Variants in COMT observed in about 807,000 individuals in gnomAD.
COMT encodes the protein catechol O-methyltransferase.
Under a neutral mutation model 18.9 loss-of-function variants are expected in COMT, and 13 were observed. The observed-to-expected ratio is 0.69, with a 90% CI of 0.45 to 1.09. The LOEUF (loss-of-function observed/expected upper bound fraction) is 1.09. COMT is among the 50% of genes least tolerant of loss of function. The pLI is 0.00. For synonymous variants in COMT, 150 were observed against 160.9 expected (o/e 0.93, Z 0.51); for missense variants, 329 against 361.8 (o/e 0.91, Z 0.73).
At chr22:19,954,361 C>T (rs919789210) in intron 1 of COMT, among the ~76,000 whole-genome samples, 1 of 152,206 alleles carries the variant, frequency 6.6e-6, no homozygotes, top group Non-Finnish European at 1.5e-5. Flanking sequence ...GCCCCTTTCC[C>T]TATGTAGGGT....
chr22:19,966,901 T>C (rs1442131658), intron 5 of COMT: 1 of 975,976 alleles, frequency 1.0e-6, no homozygotes, highest in Non-Finnish European at 1.2e-6. Flanking sequence ...CTCAGCATAG[T>C]GTCACCTGCT....
In COMT at chr22:19,962,796, G is replaced by A; in HGVS notation, c.270G>A (p.Met90Ile). Residue 90 changes from methionine to isoleucine, a missense_variant, in exon 3 of 6, where the codon ATG becomes ATA. Met to Ile is a conservative substitution (Grantham distance 10). Transcript: ENST00000361682. The stretch of plus-strand genomic sequence containing the variant: ...ACTGCGAGCAGAAGGAGTGGGCCAT[G>A]AACGTGGGCGACAAGAAAGGTGGGG... ...DTYCEQKEWA[M>I]NVGDKKGKIV... The A allele has an allele frequency of 6.2e-7, 1 of 1,605,532 alleles. No individual in the cohort carries two copies. The highest frequency in any genetic ancestry group is 8.5e-7 in the Non-Finnish European group (1 of 1,173,116).
intron 3 of COMT, among the ~76,000 whole-genome samples, chr22:19,963,159 G>A (rs1942240670): frequency 6.6e-6 from 1 of 152,142 alleles, no homozygotes; most frequent in Non-Finnish European, 1.5e-5. Flanking sequence ...ACTTCAGCCT[G>A]GGGCACAGGA....
chr22:19,968,627 G>A lies in COMT; in HGVS notation c.707G>A (p.Ser236Asn), dbSNP rs1601547954. 1.9e-6 allele frequency: 3 copies of A among 1,614,110 alleles called. No homozygotes were observed. The highest frequency in any genetic ancestry group is 2.5e-6 in the Non-Finnish European group (3 of 1,180,016). Reference protein sequence around the residue: ...APDFLAHVRGSSCFECTHYQS... With the variant: ...APDFLAHVRGNSCFECTHYQS... ...GACTTCCTAGCACACGTGCGCGGGA[G>A]CAGCTGCTTTGAGTGCACACACTAC... Residue 236 changes from serine (S) to asparagine (N), a missense_variant, in exon 6 of 6, where the codon AGC becomes AAC. Physicochemically the swap from Ser to Asn is conservative, Grantham distance 46 (BLOSUM62 1). Transcript: ENST00000361682.
At chr22:19,948,816 G>A (rs973066056) in intron 1 of COMT, among the ~76,000 whole-genome samples, 1 of 151,940 alleles carries the variant, frequency 6.6e-6, no homozygotes, top group Non-Finnish European at 1.5e-5. Flanking sequence ...TTAGCTGGGC[G>A]TGGTGCCATG....
At chr22:19,950,263 T>TTC (rs1555919297) in intron 1 of COMT, among the ~76,000 whole-genome samples, 2 of 132,372 alleles carry the variant, frequency 1.5e-5, no homozygotes, top group Non-Finnish European at 3.2e-5. Flanking sequence ...TTTTTTTTTT[T>TTC]CTGTAGAGAC....
chr22:19,960,662 G>A (rs1266365081), intron 1 of COMT, among the ~76,000 whole-genome samples: 1 of 152,204 alleles, frequency 6.6e-6, no homozygotes, highest in Admixed American at 6.5e-5. Context: ...TGTGGACAGG[G>A]GCACCCCCAC....
intron 1 of COMT, among the ~76,000 whole-genome samples, chr22:19,959,418 T>C (rs1942139511): frequency 6.6e-6 from 1 of 152,206 alleles, no homozygotes; most frequent in Non-Finnish European, 1.5e-5. Context: ...GTGGGCGTGG[T>C]CCCAAAGTCA....
chr22:19,947,629 T>C (rs1379209624), intron 1 of COMT, among the ~76,000 whole-genome samples: 1 of 152,222 alleles, frequency 6.6e-6, no homozygotes, highest in African/African-American at 2.4e-5. Context: ...ATTTTGTTAC[T>C]GCTAGTTAGA....
At position 19,961,294 on chromosome 22, in the gene COMT, G is replaced by A. The variant is rs1298970175; in HGVS notation, c.-1+5G>A. 6.6e-6 allele frequency: 1 copy of A among 152,522 alleles called. No individual in the cohort carries two copies. The highest frequency in any genetic ancestry group is 2.4e-5 in the African/African-American group (1 of 41,462). 9.4% of individuals were successfully genotyped at this position (152,522 alleles called of 1,614,324 possible). A position where few individuals can be genotyped will look rare whatever the true frequency, so the allele number is the denominator to read the frequency against. On this transcript the variant is annotated splice_donor_5th_base_variant and intron_variant, in intron 2 of 5. Transcript: ENST00000361682. Reference sequence around the variant, plus strand: ...CTGCTCAGAGGTGCTTTGAAGGTGAGTTGGCCAACGGAAGCCGGGGCAGTG... The same window carrying A: ...CTGCTCAGAGGTGCTTTGAAGGTGAATTGGCCAACGGAAGCCGGGGCAGTG...
Position 19,968,754 on chromosome 22 carries a change from CT to C in COMT, c.*19del. 6.2e-7 allele frequency: 1 copy of C among 1,601,128 alleles called. No homozygotes were observed. The highest frequency in any genetic ancestry group is 8.5e-7 in the Non-Finnish European group (1 of 1,176,932). ...GGCCCTGACTGCCCCCCCGGCCCCC[CT>C]CTCGGGCTCTCTCACCCAGCCTGGT... On this transcript the variant is annotated 3_prime_UTR_variant, in exon 6 of 6. Transcript: ENST00000361682.
At chr22:19,949,667 G>C (rs1215822063) in intron 1 of COMT, among the ~76,000 whole-genome samples, 1 of 151,486 alleles carries the variant, frequency 6.6e-6, no homozygotes, top group African/African-American at 2.4e-5. Flanking sequence ...GCACAATCAG[G>C]ACTCACTGCA....
intron 1 of COMT, among the ~76,000 whole-genome samples, chr22:19,945,290 C>G (rs1316149605): frequency 6.6e-6 from 1 of 152,150 alleles, no homozygotes; most frequent in Non-Finnish European, 1.5e-5. Context: ...ACATGTAAGA[C>G]CAAGAACCCC....
intron 1 of COMT, among the ~76,000 whole-genome samples, chr22:19,957,204 C>G (rs1003618371): frequency 1.2e-4 from 19 of 152,200 alleles, no homozygotes; most frequent in Non-Finnish European, 2.6e-4. Flanking sequence ...CCCGCCCCGG[C>G]CTCCCAAAGT....
At chr22:19,946,917 T>G (rs1408327249) in intron 1 of COMT, among the ~76,000 whole-genome samples, 1 of 143,692 alleles carries the variant, frequency 7.0e-6, no homozygotes, top group Non-Finnish European at 1.5e-5. Flanking sequence ...TTAGTTTTTT[T>G]TTTTTTTTTT....
At chr22:19,967,934 T>G (rs1386404836) in intron 5 of COMT, among the ~76,000 whole-genome samples, 1 of 152,216 alleles carries the variant, frequency 6.6e-6, no homozygotes, top group Non-Finnish European at 1.5e-5. Flanking sequence ...CAGTAACAAC[T>G]CCTTCCTTCT....
At chr22:19,952,312 C>T (rs537736631) in intron 1 of COMT, among the ~76,000 whole-genome samples, 1 of 148,432 alleles carries the variant, frequency 6.7e-6, no homozygotes, top group East Asian at 2.0e-4. Flanking sequence ...ACTGCACTCC[C>T]GCCTGGGCGA....
At chr22:19,957,696 G>A (rs970390661) in intron 1 of COMT, among the ~76,000 whole-genome samples, 4 of 152,264 alleles carry the variant, frequency 2.6e-5, no homozygotes, top group African/African-American at 9.6e-5. Context: ...GCATGTGCAG[G>A]TGCTGTGTGG....
chr22:19,950,751 G>A (rs1216149733), intron 1 of COMT, among the ~76,000 whole-genome samples: 3 of 152,134 alleles, frequency 2.0e-5, no homozygotes, highest in Non-Finnish European at 2.9e-5. Flanking sequence ...GGAGAGGCCT[G>A]AGAGGAGCTA....
Sources: allele counts gnomAD v4.1 joint callset (sites outside exome capture counted in the v4.1 genomes callset), GRCh38; gene constraint gnomAD v4.1.1; transcripts MANE v1.5; gene names NCBI Gene and HGNC (gene_info 2026-07-23, HGNC 2026-07-21).